The following ZNF473 variants were observed in gnomAD, a reference collection of about 807,000 sequenced individuals.
ZNF473 encodes zinc finger protein 100 homolog.
Under a neutral mutation model 11.1 loss-of-function variants are expected in ZNF473, and 4 were observed. The observed-to-expected ratio is 0.36, with a 90% confidence interval of 0.18 to 0.82. The LOEUF is 0.82. Among genes scored for constraint, ZNF473 ranks in the 40% least tolerant of loss-of-function variants. The pLI, the probability that ZNF473 is intolerant of heterozygous loss-of-function variation, is 0.49. For synonymous variants in ZNF473, 404 were observed against 390.4 expected, an observed-to-expected ratio of 1.03 and a Z score of -0.41; for missense variants, 854 against 1,084.0, an observed-to-expected ratio of 0.79 and a Z score of 2.98.
intron 2 of ZNF473, among the ~76,000 whole-genome samples, chr19:50,031,521 A>G (rs1482120034): frequency 6.6e-6 from 1 of 152,014 alleles, no homozygotes; most frequent in Non-Finnish European, 1.5e-5. Context: ...CCCCTTTTCC[A>G]TGTGGTAGTG....
intron 2 of ZNF473, among the ~76,000 whole-genome samples, chr19:50,032,606 G>T (rs1249966145): frequency 6.6e-6 from 1 of 152,174 alleles, no homozygotes; most frequent in African/African-American, 2.4e-5. Flanking sequence ...CTGCCCTCAT[G>T]AAGCTTACTT....
Position 50,039,216 on chromosome 19 carries a change from A to G in ZNF473, c.65A>G (p.Gln22Arg). The stretch of plus-strand genomic sequence containing the variant: ...GACTTCACCTTGGGAGACTGGGAGC[A>G]GCTCGGGCTGGAACAGGGGGACACG... ...GMDFTLGDWE[Q>R]LGLEQGDTFW... The change falls in exon 3 of 5, where the codon CAG becomes CGG. Residue 22 changes from glutamine (Q) to arginine (R), a missense_variant. Around this residue, in one of 2 missense-constraint regions of ZNF473, gnomAD observed 668 missense variants for 790.2 expected, o/e 0.85. Coordinates refer to ENST00000270617, the MANE Select transcript of ZNF473 (RefSeq NM_015428.4). This position sits in a 1 kb window ranked among gnomAD's most constrained non-coding sequence, Gnocchi z 4.8. The G allele has an allele frequency of 6.2e-7, 1 of 1,614,190 alleles. No individual in the cohort carries two copies. Among genetic ancestry groups the G allele is most frequent in the African/African-American group, 1.3e-5 (1 of 75,062 alleles).
In ZNF473 at chr19:50,026,031, C is replaced by T. The variant is rs569041643; in HGVS notation, c.-283C>T. ...GAGAAGCTTCTCGCGCACAGGAAGT[C>T]GCTGCGAGGAGGCGCGTGTGCGGGG... On this transcript the variant is annotated 5_prime_UTR_variant, in exon 1 of 5. Coordinates refer to ENST00000270617, the MANE Select transcript of ZNF473 (RefSeq NM_015428.4). 6.5e-6 allele frequency: 1 copy of T among 152,744 alleles called. No homozygotes were observed. The highest frequency in any genetic ancestry group is 1.9e-4 in the East Asian group (1 of 5,170). The allele number at this position is 152,744 out of a possible 1,614,324, so 9.5% of individuals were successfully genotyped here.
Position 50,046,818 on chromosome 19 carries a change from G to A in ZNF473, c.2375G>A (p.Gly792Glu), listed in dbSNP as rs574999424. The A allele has an allele frequency of 6.2e-7, 1 of 1,614,182 alleles. No homozygotes were observed. The highest frequency in any genetic ancestry group is 1.1e-5 in the South Asian group (1 of 91,088). Residue 792 changes from glycine to glutamate, a missense_variant, in exon 5 of 5, where the codon GGG (glycine) becomes GAG (glutamate). Coordinates refer to ENST00000270617, the MANE Select transcript of ZNF473 (RefSeq NM_015428.4). This position sits in a 1 kb window ranked among gnomAD's most constrained non-coding sequence, Gnocchi z 5.9. Reference sequence around the variant, plus strand: ...AAGCCCTACAGATGTGGTGAATGTGGGAAAGCCTTTGCCCAGAAAGCAAAT... The same window carrying A: ...AAGCCCTACAGATGTGGTGAATGTGAGAAAGCCTTTGCCCAGAAAGCAAAT... ...GEKPYRCGEC[G>E]KAFAQKANLT...
rs767147822 is a variant in ZNF473 at position 50,046,164 on chromosome 19, G to T, written c.1721G>T (p.Ser574Ile). 6.2e-7 allele frequency: 1 copy of T among 1,614,186 alleles called. No homozygotes were observed. Among genetic ancestry groups the T allele is most frequent in the East Asian group, 2.2e-5 (1 of 44,888 alleles). ...CNKCEKTFSC[S>I]KYLTQHERIH... is the part of the protein sequence containing the mutation. ...AAATGTGAGAAAACCTTTAGCTGCAGCAAATACCTAACTCAGCACGAGAGG... is the reference window on the plus strand; with the variant it reads ...AAATGTGAGAAAACCTTTAGCTGCATCAAATACCTAACTCAGCACGAGAGG... The change falls in exon 5 of 5, where the codon AGC (serine) becomes ATC (isoleucine). Residue 574 changes from serine (S) to isoleucine (I), a missense_variant. This residue lies in a region of ZNF473 where 668 missense variants were observed against 790.2 expected (regional missense o/e 0.85). Transcript: ENST00000270617. This position sits in a 1 kb window ranked among gnomAD's most constrained non-coding sequence, Gnocchi z 5.9.
rs757448931 is a variant in ZNF473 at position 50,045,451 on chromosome 19, T to A, written c.1008T>A (p.Thr336=). 6.2e-7 allele frequency: 1 copy of A among 1,612,964 alleles called. No individual in the cohort carries two copies. The highest frequency in any genetic ancestry group is 1.7e-5 in the Admixed American group (1 of 59,938). The change falls in exon 5 of 5, where the codon ACT becomes ACA. Residue 336 remains threonine, a synonymous_variant. Transcript: ENST00000270617. The part of the protein sequence containing the change: ...GKAFTRIFHL[T]RHQKIHTRKR... Reference sequence around the variant, plus strand: ...CTTTTACCCGGATCTTCCACCTTACTCGGCACCAGAAGATCCACACTCGGA... The same window carrying A: ...CTTTTACCCGGATCTTCCACCTTACACGGCACCAGAAGATCCACACTCGGA...
intron 4 of ZNF473, among the ~76,000 whole-genome samples, chr19:50,044,074 A>G (rs1459175413): frequency 6.6e-6 from 1 of 152,152 alleles, no homozygotes; most frequent in Non-Finnish European, 1.5e-5. Flanking sequence ...TCCATTAACT[A>G]CAAAGCCCTT....
chr19:50,033,091 G>A (rs1329849806), intron 2 of ZNF473, among the ~76,000 whole-genome samples: 1 of 152,140 alleles, frequency 6.6e-6, no homozygotes, highest in African/African-American at 2.4e-5. Context: ...GAGGGTTACA[G>A]TTCAACCCAT....
intron 2 of ZNF473, among the ~76,000 whole-genome samples, chr19:50,037,658 CA>C (rs67239809): frequency 0.14 from 19,870 of 138,238 alleles, 1,449 homozygotes; most frequent in East Asian, 0.34. Context: ...CCTACTCTAC[CA>C]AAAAAAAAAA....
intron 1 of ZNF473, among the ~76,000 whole-genome samples, chr19:50,030,465 G>T (rs1472157802): frequency 6.6e-6 from 1 of 152,150 alleles, no homozygotes; most frequent in East Asian, 1.9e-4. Flanking sequence ...CCATGATTGT[G>T]CCACTGTAGT....
chr19:50,033,050 C>G (rs1482032990), intron 2 of ZNF473, among the ~76,000 whole-genome samples: 2 of 152,170 alleles, frequency 1.3e-5, no homozygotes, highest in Non-Finnish European at 2.9e-5. Context: ...TTCTGAGGTA[C>G]TGGGGGTTAG....
intron 1 of ZNF473, among the ~76,000 whole-genome samples, chr19:50,028,429 C>T (rs1345114752): frequency 6.6e-6 from 1 of 151,918 alleles, no homozygotes; most frequent in East Asian, 1.9e-4. Flanking sequence ...GATCCTCCTA[C>T]CTCAGCCTCC....
chr19:50,035,623 A>AG (rs1346958493), intron 2 of ZNF473, among the ~76,000 whole-genome samples: 3 of 152,164 alleles, frequency 2.0e-5, no homozygotes, highest in Non-Finnish European at 4.4e-5. Flanking sequence ...GGCTCGTAGT[A>AG]GGTGCTTGGT....
chr19:50,043,420 A>G (rs1007111396), intron 4 of ZNF473: 2 of 137,138 alleles, frequency 1.5e-5, no homozygotes, highest in African/African-American at 2.8e-5. Context: ...CAACAGGGCA[A>G]GACTCAGTCT....
At chr19:50,027,123 G>T (rs2077288021) in intron 1 of ZNF473, among the ~76,000 whole-genome samples, 1 of 152,110 alleles carries the variant, frequency 6.6e-6, no homozygotes, top group African/African-American at 2.4e-5. Flanking sequence ...GAATTTTTCA[G>T]ATTTTAGAAA....
At chr19:50,036,568 C>T (rs906203617) in intron 2 of ZNF473, among the ~76,000 whole-genome samples, 3 of 151,116 alleles carry the variant, frequency 2.0e-5, no homozygotes, top group Non-Finnish European at 4.4e-5. Context: ...TCATGATCCG[C>T]CTGCCTTGGC....
intron 2 of ZNF473, among the ~76,000 whole-genome samples, chr19:50,038,761 C>T (rs1978609533): frequency 6.6e-6 from 1 of 152,168 alleles, no homozygotes; most frequent in South Asian, 2.1e-4. Flanking sequence ...CTGAAGTATT[C>T]ACAGGTGAAA....
intron 2 of ZNF473, among the ~76,000 whole-genome samples, chr19:50,035,654 GACA>G (rs1375133960): frequency 6.6e-6 from 1 of 152,144 alleles, no homozygotes; most frequent in Non-Finnish European, 1.5e-5. Context: ...CAGATAAGTA[GACA>G]ACAAGCACCA....
rs1177460454 is a variant in ZNF473 at position 50,044,696 on chromosome 19, C to T, written c.253C>T (p.Leu85=). 2 of 1,612,612 alleles carry T rather than the reference C, an allele frequency of 1.2e-6. No homozygotes were observed. Among genetic ancestry groups the T allele is most frequent in the South Asian group, 1.1e-5 (1 of 90,986 alleles). ...PDVTETKNSP[L]MEDFFEEGFS... ...TGTGACTGAGACCAAGAACTCTCCT[C>T]TGATGGAGGATTTCTTCGAAGAAGG... is the stretch of plus-strand genomic sequence containing the variant. Residue 85 remains leucine (L), a synonymous_variant, in exon 5 of 5, where the codon CTG becomes TTG. Transcript: ENST00000270617.
Sources: allele counts gnomAD v4.1 joint callset (sites outside exome capture counted in the v4.1 genomes callset), GRCh38; gene constraint gnomAD v4.1.1; regional missense constraint gnomAD v4.1.1; non-coding constraint Gnocchi (gnomAD v3.1); transcripts MANE v1.5; gene names NCBI Gene and HGNC (gene_info 2026-07-23, HGNC 2026-07-21).